Variants in INPP5B observed in about 807,000 individuals in gnomAD.
INPP5B encodes type II inositol 1,4,5-trisphosphate 5-phosphatase.
INPP5B carries 90 observed loss-of-function variants against 118.5 expected under a neutral mutation model. The observed-to-expected ratio is 0.76, with a 90% CI of 0.64 to 0.90. The LOEUF (loss-of-function observed/expected upper bound fraction) is 0.90. Ranked by LOEUF, INPP5B falls within the 40% of genes least tolerant of loss-of-function variation. INPP5B has a pLI of 0.00. For synonymous variants in INPP5B, 385 were observed against 418.9 expected, an observed-to-expected ratio of 0.92 and a Z score of 0.99; for missense variants, 984 against 1,125.6, an observed-to-expected ratio of 0.87 and a Z score of 1.80.
intron 8 of INPP5B, among the ~76,000 whole-genome samples, 191 bp downstream of exon 8, chr1:37,891,167 C>G (rs1268400162): frequency 6.8e-6 from 1 of 148,148 alleles, no homozygotes; most frequent in Admixed American, 6.8e-5. Context: ...GTGGAGGTTG[C>G]GGTGAGCCGA....
intron 7 of INPP5B, among the ~76,000 whole-genome samples, chr1:37,901,575 G>A (rs369178393): frequency 1.6e-4 from 25 of 152,144 alleles, no homozygotes; most frequent in African/African-American, 4.3e-4. Flanking sequence ...GGTACATAGC[G>A]TACTGATGGG....
intron 6 of INPP5B, among the ~76,000 whole-genome samples, chr1:37,935,877 T>C (rs1033575604): frequency 1.3e-5 from 2 of 151,464 alleles, no homozygotes; most frequent in Non-Finnish European, 2.9e-5. Context: ...CCATTCTGGC[T>C]AACATGGTGA....
chr1:37,935,822 T>G (rs1386867482), intron 6 of INPP5B, among the ~76,000 whole-genome samples: 5 of 152,026 alleles, frequency 3.3e-5, no homozygotes, highest in Non-Finnish European at 7.4e-5. Context: ...ATCCCAGCAC[T>G]TTGGAAGGCC....
chr1:37,877,307 A>G (rs984175117), intron 16 of INPP5B, among the ~76,000 whole-genome samples: 1 of 151,508 alleles, frequency 6.6e-6, no homozygotes, highest in African/African-American at 2.4e-5. Context: ...ACGCCACTGC[A>G]CTCCAGCCTG....
chr1:37,943,618 C>T, intron 5 of INPP5B, 22 bp downstream of exon 5: 1 of 1,613,610 alleles, frequency 6.2e-7, no homozygotes, highest in Non-Finnish European at 8.5e-7. Context: ...CGAGTGGGAC[C>T]CAGACCAAGA....
At chr1:37,898,737 A>G (rs1230278019) in intron 7 of INPP5B, among the ~76,000 whole-genome samples, 2 of 152,160 alleles carry the variant, frequency 1.3e-5, no homozygotes, top group East Asian at 3.9e-4. Flanking sequence ...AAAATTTTAA[A>G]AAATCATTTA....
intron 14 of INPP5B, 71 bp from the exon 15 acceptor site, chr1:37,880,265 C>T (rs1297266626): frequency 8.9e-6 from 10 of 1,123,602 alleles, no homozygotes; most frequent in Non-Finnish European, 1.3e-5. Context: ...TGGAGAAAAG[C>T]ATATCAATCT....
rs576908849 is a variant in INPP5B at position 37,879,641 on chromosome 1, C to G, written c.1541+444G>C. ...GGCCTGGTGGCACATGCCTGTAATC[C>G]TAGCTACTTGGGAGGATGAGGCAGG... On this transcript the variant is annotated intron_variant, in intron 15 of 23. Coordinates refer to ENST00000373024, the MANE Select transcript of INPP5B (RefSeq NM_005540.3). 3.9e-5 allele frequency among the ~76,000 whole-genome samples: 6 copies of G among 152,094 alleles called. No homozygotes were observed. The East Asian group carries it at 7.8e-4, about 20-fold the overall frequency.
intron 6 of INPP5B, among the ~76,000 whole-genome samples, chr1:37,936,319 TA>T (rs1177129659): frequency 6.6e-6 from 1 of 151,764 alleles, no homozygotes; most frequent in Non-Finnish European, 1.5e-5. Context: ...CCTTCTAGCC[TA>T]AGCTTAAATA....
chr1:37,945,962 G>A, intron 2 of INPP5B, 112 bp from the exon 3 acceptor site: 1 of 954,888 alleles, frequency 1.0e-6, no homozygotes, highest in Non-Finnish European at 1.6e-6. Context: ...GTGGCCTTGG[G>A]TGAGCACTCA....
In INPP5B at chr1:37,939,611, A is replaced by T. The variant is rs573890863; in HGVS notation, c.391+1077T>A. On this transcript the variant is annotated intron_variant, in intron 6 of 23. Transcript: ENST00000373024. The stretch of plus-strand genomic sequence containing the variant: ...AGGCGCCCGCCACCATGCCCGGCTA[A>T]TTTTTTTATTTTTAGTAGAGACGGG... 2.0e-3 allele frequency among the ~76,000 whole-genome samples: 295 copies of T among 150,460 alleles called. 1 individual carries two copies. Among genetic ancestry groups the T allele is most frequent in the African/African-American group, 5.8e-3 (239 of 41,238 alleles).
intron 7 of INPP5B, among the ~76,000 whole-genome samples, chr1:37,900,284 C>T (rs1380723243): frequency 6.7e-6 from 1 of 149,204 alleles, no homozygotes; most frequent in Non-Finnish European, 1.5e-5. Flanking sequence ...GAGACAGAGT[C>T]TCTCTTGTCA....
intron 19 of INPP5B, 141 bp from the exon 20 acceptor site, chr1:37,868,755 AGGT>A (rs765355687): frequency 3.0e-6 from 2 of 663,456 alleles, no homozygotes; most frequent in Non-Finnish European, 5.5e-6. Context: ...AAATGAAATC[AGGT>A]GGTATGATCA....
At chr1:37,922,096 G>C (rs1367533340) in intron 7 of INPP5B, among the ~76,000 whole-genome samples, 1 of 152,166 alleles carries the variant, frequency 6.6e-6, no homozygotes. Context: ...TGGCTACGTA[G>C]GAGGCTGAGG....
At chr1:37,868,676 C>T (rs766077707) in intron 19 of INPP5B, 62 bp from the exon 20 acceptor site, 21 of 1,052,352 alleles carry the variant, frequency 2.0e-5, no homozygotes, top group Non-Finnish European at 2.8e-5. Context: ...AAATGCATGG[C>T]ATGGGGACAG....
chr1:37,928,083 T>C (rs905531502), intron 7 of INPP5B, among the ~76,000 whole-genome samples: 1 of 152,128 alleles, frequency 6.6e-6, no homozygotes, highest in African/African-American at 2.4e-5. Flanking sequence ...CTATACTCTC[T>C]TACCTCTATC....
intron 21 of INPP5B, among the ~76,000 whole-genome samples, chr1:37,866,139 G>A (rs536295133): frequency 2.6e-5 from 4 of 152,146 alleles, no homozygotes; most frequent in South Asian, 4.1e-4. Flanking sequence ...CTGCCTCTAC[G>A]AAAAGTTCAA....
At chr1:37,890,852 T>C (rs972974005) in intron 8 of INPP5B, among the ~76,000 whole-genome samples, 3 of 152,176 alleles carry the variant, frequency 2.0e-5, no homozygotes, top group African/African-American at 7.2e-5. Flanking sequence ...AAAAAAGTAC[T>C]TACCTCTTAG....
intron 18 of INPP5B, 38 bp downstream of exon 18, chr1:37,873,955 C>A: frequency 6.8e-7 from 1 of 1,479,950 alleles, no homozygotes; most frequent in Non-Finnish European, 9.1e-7. Context: ...AGGCATTCCC[C>A]AAACCAGATA....
Sources: allele counts gnomAD v4.1 joint callset (sites outside exome capture counted in the v4.1 genomes callset), GRCh38; gene constraint gnomAD v4.1.1; transcripts MANE v1.5; gene names NCBI Gene and HGNC (gene_info 2026-07-23, HGNC 2026-07-21).